PCDH9: variants seen among roughly 807,000 people sequenced by gnomAD.
PCDH9 encodes protocadherin-9.
Under a neutral mutation model 70.6 loss-of-function variants are expected in PCDH9, and 24 were observed. That is an observed-to-expected ratio of 0.34 (90% CI 0.25 to 0.48). The LOEUF is 0.48. PCDH9 is among the 20% of genes least tolerant of loss of function. PCDH9 has a pLI of 0.99. For synonymous variants in PCDH9, 562 were observed against 558.5 expected, an observed-to-expected ratio of 1.01 and a Z score of -0.09; for missense variants, 1,281 against 1,503.6, an observed-to-expected ratio of 0.85 and a Z score of 2.45.
At chr13:66,599,510 T>G (rs1321311318) in intron 4 of PCDH9, among the ~76,000 whole-genome samples, 1 of 151,822 alleles carries the variant, frequency 6.6e-6, no homozygotes, top group Non-Finnish European at 1.5e-5. Context: ...ACATTATACA[T>G]CAATTAACAA....
At chr13:66,664,470 C>T (rs576121129) in intron 3 of PCDH9, among the ~76,000 whole-genome samples, 14 of 150,396 alleles carry the variant, frequency 9.3e-5, no homozygotes, top group Admixed American at 2.0e-4. Flanking sequence ...AAGATTCAAA[C>T]GCCTCACTCA....
chr13:66,811,600 T>TGTCTGCCTGCCTA, intron 3 of PCDH9, among the ~76,000 whole-genome samples: 1 of 134,062 alleles, frequency 7.5e-6, no homozygotes, highest in African/African-American at 2.9e-5. Flanking sequence ...TCTTCCTTCC[T>TGTCTGCCTGCCTA]ACCTGTCTGC....
At chr13:66,849,517 T>TATATATATAGAGAGAGAG (rs1272589939) in intron 3 of PCDH9, among the ~76,000 whole-genome samples, 4 of 63,576 alleles carry the variant, frequency 6.3e-5, no homozygotes, top group Admixed American at 2.0e-4. Flanking sequence ...TATATATATA[T>TATATATATAGAGAGAGAG]AGAGAGAGAG....
At chr13:67,098,497 A>G (rs1443268602) in intron 2 of PCDH9, among the ~76,000 whole-genome samples, 2 of 152,166 alleles carry the variant, frequency 1.3e-5, no homozygotes, top group Non-Finnish European at 2.9e-5. Flanking sequence ...TCTGAGTACA[A>G]TAATGTAGTT....
chr13:66,887,555 T>C (rs150971696), intron 3 of PCDH9, among the ~76,000 whole-genome samples: 12 of 152,344 alleles, frequency 7.9e-5, no homozygotes, highest in African/African-American at 2.4e-4. Flanking sequence ...ATAAACAGCA[T>C]GCACTTGTAA....
chr13:66,916,822 C>T (rs948374279), intron 2 of PCDH9, among the ~76,000 whole-genome samples: 1 of 151,384 alleles, frequency 6.6e-6, no homozygotes, highest in Non-Finnish European at 1.5e-5. Flanking sequence ...TAGAAATTTG[C>T]TTATCGTCTT....
chr13:66,309,177 CT>C (rs1210299622), intron 4 of PCDH9, among the ~76,000 whole-genome samples: 16 of 151,842 alleles, frequency 1.1e-4, no homozygotes, highest in Middle Eastern at 3.4e-3. Flanking sequence ...CCAGTAATTG[CT>C]GTGATATTAA....
intron 2 of PCDH9, among the ~76,000 whole-genome samples, chr13:67,033,724 A>G (rs2084953338): frequency 6.6e-6 from 1 of 152,172 alleles, no homozygotes; most frequent in Non-Finnish European, 1.5e-5. Context: ...TTTCTGCAAT[A>G]TGAGCTTATT....
At chr13:66,649,350 ATCT>A in intron 3 of PCDH9, among the ~76,000 whole-genome samples, 1 of 152,142 alleles carries the variant, frequency 6.6e-6, no homozygotes, top group South Asian at 2.1e-4. Context: ...GCTCCAATAC[ATCT>A]GGCAAAAGAC....
At chr13:66,622,942 G>A (rs1450203646) in intron 4 of PCDH9, among the ~76,000 whole-genome samples, 1 of 152,068 alleles carries the variant, frequency 6.6e-6, no homozygotes, top group African/African-American at 2.4e-5. Flanking sequence ...GCGAGACCAC[G>A]AACGCACCGG....
At chr13:67,091,904 G>T (rs1210088253) in intron 2 of PCDH9, among the ~76,000 whole-genome samples, 2 of 151,934 alleles carry the variant, frequency 1.3e-5, no homozygotes, top group African/African-American at 2.4e-5. Flanking sequence ...TTGTTTTAAG[G>T]ATTATTTATT....
chr13:66,531,320 G>A (rs1352982900), intron 4 of PCDH9, among the ~76,000 whole-genome samples: 5 of 151,980 alleles, frequency 3.3e-5, no homozygotes, highest in African/African-American at 1.2e-4. Flanking sequence ...TCGAGTACAA[G>A]AAAACAACAG....
intron 3 of PCDH9, among the ~76,000 whole-genome samples, chr13:66,734,455 A>C (rs1032555935): frequency 6.6e-6 from 1 of 152,128 alleles, no homozygotes; most frequent in African/African-American, 2.4e-5. Flanking sequence ...TCCTTCTAGT[A>C]AATTATTGTA....
At chr13:66,781,720 A>G (rs1392931330) in intron 3 of PCDH9, among the ~76,000 whole-genome samples, 2 of 152,180 alleles carry the variant, frequency 1.3e-5, no homozygotes, top group Admixed American at 6.6e-5. Context: ...TTTAAAAGGT[A>G]TTTTTGAGAT....
chr13:66,432,354 T>C (rs1281554238), intron 4 of PCDH9, among the ~76,000 whole-genome samples: 1 of 151,952 alleles, frequency 6.6e-6, no homozygotes, highest in Non-Finnish European at 1.5e-5. Context: ...GTCTGAGCCT[T>C]GAGGTAATTT....
At chr13:66,437,189 C>T (rs890980799) in intron 4 of PCDH9, among the ~76,000 whole-genome samples, 1 of 151,580 alleles carries the variant, frequency 6.6e-6, no homozygotes, top group African/African-American at 2.4e-5. Flanking sequence ...GGGCAGATCA[C>T]AAGGTCAGGA....
intron 4 of PCDH9, among the ~76,000 whole-genome samples, chr13:66,556,300 A>G (rs527858716): frequency 1.3e-5 from 2 of 152,250 alleles, no homozygotes; most frequent in East Asian, 3.9e-4. Context: ...TGTTTCTCCC[A>G]GAGCATGAGT....
chr13:67,123,886 A>T (rs2086923879), intron 2 of PCDH9, among the ~76,000 whole-genome samples: 1 of 151,632 alleles, frequency 6.6e-6, no homozygotes, highest in South Asian at 2.1e-4. Context: ...ATATAAATAT[A>T]TAAATTATTT....
At chr13:66,904,272 T>C (rs1566280791) in intron 2 of PCDH9, among the ~76,000 whole-genome samples, 1 of 152,134 alleles carries the variant, frequency 6.6e-6, no homozygotes, top group South Asian at 2.1e-4. Flanking sequence ...ACATAAGATA[T>C]TACATTATGG....
Sources: allele counts gnomAD v4.1 joint callset (sites outside exome capture counted in the v4.1 genomes callset), GRCh38; gene constraint gnomAD v4.1.1; transcripts MANE v1.5; gene names NCBI Gene and HGNC (gene_info 2026-07-23, HGNC 2026-07-21).